Variants in SLC8A1 observed in about 807,000 individuals in gnomAD.
SLC8A1 encodes sodium/calcium exchanger 1.
A neutral mutation model predicts 68.3 loss-of-function variants in SLC8A1; 18 were observed. The observed-to-expected ratio is 0.26, with a 90% CI of 0.18 to 0.39. SLC8A1 has a LOEUF of 0.39. Ranked by LOEUF, SLC8A1 falls within the 10% of genes least tolerant of loss-of-function variation. The pLI is 1.00. For synonymous variants in SLC8A1, 475 were observed against 415.5 expected, an observed-to-expected ratio of 1.14 and a Z score of -1.74; for missense variants, 985 against 1,156.7, an observed-to-expected ratio of 0.85 and a Z score of 2.15.
intron 3 of SLC8A1, chr2:40,176,106 G>A (rs1211074974): frequency 4.1e-6 from 1 of 245,482 alleles, no homozygotes; most frequent in African/African-American, 2.3e-5. Context: ...CTTTATTTTA[G>A]TAAAAGCAAC....
At position 40,396,098 on chromosome 2, in the gene SLC8A1, A is replaced by G. The variant is rs554686545; in HGVS notation, c.1808+32375T>C. 1.2e-3 allele frequency among the ~76,000 whole-genome samples: 187 copies of G among 152,270 alleles called. 1 individual carries two copies. The highest frequency in any genetic ancestry group is 2.4e-3 in the Non-Finnish European group (161 of 68,008). On this transcript the variant is annotated intron_variant, in intron 2 of 7. Coordinates refer to ENST00000406785, the Ensembl canonical transcript of SLC8A1. ...CCTGAAAACTTGAATGTTTTGCTGA[A>G]AACACCCTTAAAGGAATGTATCTCT...
At chr2:40,445,920 G>A (rs1576547422) in intron 1 of SLC8A1, among the ~76,000 whole-genome samples, 1 of 152,212 alleles carries the variant, frequency 6.6e-6, no homozygotes, top group African/African-American at 2.4e-5. Flanking sequence ...ACGGCCCCCA[G>A]AGGAAGTTAA....
intron 1 of SLC8A1, among the ~76,000 whole-genome samples, chr2:40,442,521 C>G (rs1254876009): frequency 2.0e-5 from 3 of 151,916 alleles, no homozygotes; most frequent in African/African-American, 7.2e-5. Context: ...CATCACTGAT[C>G]ATTAGAGAAA....
chr2:40,368,016 T>C (rs943827030), intron 2 of SLC8A1, among the ~76,000 whole-genome samples: 2 of 152,116 alleles, frequency 1.3e-5, no homozygotes, highest in African/African-American at 4.8e-5. Flanking sequence ...TTTCAGCCTG[T>C]TAACAACATG....
intron 2 of SLC8A1, among the ~76,000 whole-genome samples, chr2:40,242,277 A>G (rs1235756333): frequency 6.6e-6 from 1 of 152,210 alleles, no homozygotes; most frequent in Non-Finnish European, 1.5e-5. Context: ...AAGCCTGTTT[A>G]GTTCTTTGTG....
At chr2:40,346,047 T>TAAAAAAAAAAAAAAAAA (rs774555210) in intron 2 of SLC8A1, among the ~76,000 whole-genome samples, 82 of 41,704 alleles carry the variant, frequency 2.0e-3, no homozygotes, top group Non-Finnish European at 2.7e-3. Flanking sequence ...ACATTAACAG[T>TAAAAAAAAAAAAAAAAA]AAAAAAAAAA....
chr2:40,297,404 T>A (rs1251677597), intron 2 of SLC8A1, among the ~76,000 whole-genome samples: 5 of 152,178 alleles, frequency 3.3e-5, no homozygotes, highest in Non-Finnish European at 5.9e-5. Context: ...TACTGACACA[T>A]TTTAAGATTC....
At chr2:40,492,709 G>A (rs573899933) in intron 1 of SLC8A1, among the ~76,000 whole-genome samples, 37 of 149,278 alleles carry the variant, frequency 2.5e-4, no homozygotes, top group African/African-American at 8.8e-4. Flanking sequence ...CTTCTCAAAA[G>A]AAGACATTTA....
intron 2 of SLC8A1, among the ~76,000 whole-genome samples, chr2:40,358,897 C>G (rs1473176284): frequency 6.6e-6 from 1 of 152,090 alleles, no homozygotes; most frequent in South Asian, 2.1e-4. Flanking sequence ...CACACAAAAA[C>G]AGGGATGTAG....
intron 2 of SLC8A1, among the ~76,000 whole-genome samples, chr2:40,385,344 T>C (rs1683222011): frequency 6.6e-6 from 1 of 151,664 alleles, no homozygotes; most frequent in Non-Finnish European, 1.5e-5. Flanking sequence ...TCAGCCACAC[T>C]TAAAGAAAGT....
At chr2:40,453,456 A>T (rs1702791626), upstream of SLC8A1, 1 of 151,932 alleles carries the variant, frequency 6.6e-6, no homozygotes, top group African/African-American at 2.4e-5. Flanking sequence ...GACTCCAGGA[A>T]CCTCAGTTTG....
chr2:40,412,938 C>T (rs1692629602), intron 2 of SLC8A1, among the ~76,000 whole-genome samples: 1 of 151,942 alleles, frequency 6.6e-6, no homozygotes, highest in African/African-American at 2.4e-5. Context: ...TTTTAGGGTA[C>T]ATGTGCACAA....
At chr2:40,479,375 C>T (rs1187367405) in intron 1 of SLC8A1, among the ~76,000 whole-genome samples, 1 of 152,138 alleles carries the variant, frequency 6.6e-6, no homozygotes, top group Non-Finnish European at 1.5e-5. Flanking sequence ...AATTGTTCTA[C>T]TAGAGCTTGA....
At chr2:40,386,004 T>G (rs533869575) in intron 2 of SLC8A1, among the ~76,000 whole-genome samples, 27 of 151,356 alleles carry the variant, frequency 1.8e-4, no homozygotes, top group Non-Finnish European at 3.7e-4. Flanking sequence ...TTTATAAATT[T>G]TTAAATTCTC....
chr2:40,218,325 G>A (rs1160303000), intron 2 of SLC8A1, among the ~76,000 whole-genome samples: 1 of 152,122 alleles, frequency 6.6e-6, no homozygotes. Flanking sequence ...TTGTGAAGAA[G>A]GGAGTGGCAA....
chr2:40,312,096 A>C (rs2073785725), intron 2 of SLC8A1, among the ~76,000 whole-genome samples: 1 of 152,136 alleles, frequency 6.6e-6, no homozygotes, highest in African/African-American at 2.4e-5. Flanking sequence ...ATTTACCCTC[A>C]AGCTTCAGGC....
chr2:40,395,036 C>G (rs7563955), intron 2 of SLC8A1, among the ~76,000 whole-genome samples: 13,068 of 152,178 alleles, frequency 0.086, 674 homozygotes, highest in African/African-American at 0.14. Flanking sequence ...AATTCACCTA[C>G]TGATTATAGA....
chr2:40,454,482 T>G (rs1702876874), upstream of SLC8A1, among the ~76,000 whole-genome samples: 2 of 114,840 alleles, frequency 1.7e-5, no homozygotes, highest in South Asian at 5.6e-4. Context: ...TCTTAAGACT[T>G]TTTTTTTTTT....
chr2:40,367,505 C>T (rs1676630525), intron 2 of SLC8A1, among the ~76,000 whole-genome samples: 1 of 152,022 alleles, frequency 6.6e-6, no homozygotes, highest in Non-Finnish European at 1.5e-5. Context: ...TAAACTGTTT[C>T]TTCCAATAGA....
Sources: allele counts gnomAD v4.1 joint callset (sites outside exome capture counted in the v4.1 genomes callset), GRCh38; gene constraint gnomAD v4.1.1; transcripts MANE v1.5; gene names NCBI Gene and HGNC (gene_info 2026-07-23, HGNC 2026-07-21).